The following DNAJC10 variants were observed in gnomAD, a reference collection of about 807,000 sequenced individuals.
DNAJC10 encodes endoplasmic reticulum disulfide reductase DNAJC10.
In DNAJC10, 101 loss-of-function variants were observed where a neutral mutation model predicts 115.0. The observed-to-expected ratio is 0.88, with a 90% CI of 0.75 to 1.04. The LOEUF (loss-of-function observed/expected upper bound fraction) is 1.04. Among genes scored for constraint, DNAJC10 ranks in the 50% least tolerant of loss-of-function variants. The pLI is 0.00. For synonymous variants in DNAJC10, 307 were observed against 301.5 expected (o/e 1.02, Z -0.19); for missense variants, 981 against 928.8 (o/e 1.06, Z -0.73).
At chr2:182,734,403 G>A (rs1441186658) in intron 10 of DNAJC10, among the ~76,000 whole-genome samples, 4 of 151,310 alleles carry the variant, frequency 2.6e-5, no homozygotes, top group African/African-American at 9.7e-5. Flanking sequence ...AAGTAATTTT[G>A]TTATTTTTGG....
At chr2:182,719,250 C>CTTTTTTTTTTT (rs57284693) in intron 3 of DNAJC10, among the ~76,000 whole-genome samples, 7 of 83,686 alleles carry the variant, frequency 8.4e-5, no homozygotes, top group African/African-American at 2.8e-4. Context: ...GGATTGTTTT[C>CTTTTTTTTTTT]TTTTTTTTTT....
At position 182,775,305 on chromosome 2, in the gene DNAJC10, T is replaced by C; in HGVS notation, c.2266-11T>C. The C allele has an allele frequency of 6.5e-7, 1 of 1,544,352 alleles. No individual in the cohort carries two copies. The highest frequency in any genetic ancestry group is 8.9e-7 in the Non-Finnish European group (1 of 1,120,444). On this transcript the variant is annotated splice_polypyrimidine_tract_variant and intron_variant, in intron 22 of 23. Coordinates refer to ENST00000264065, the MANE Select transcript of DNAJC10 (RefSeq NM_018981.4). Reference sequence around the variant, plus strand: ...AAATACTTAAAAGATAACAAGTGTTTTTAATTTTAGAGAAATTTTCAAGAA... The same window carrying C: ...AAATACTTAAAAGATAACAAGTGTTCTTAATTTTAGAGAAATTTTCAAGAA...
chr2:182,743,757 C>A, intron 14 of DNAJC10, 45 bp downstream of exon 14: 2 of 1,329,882 alleles, frequency 1.5e-6, no homozygotes, highest in South Asian at 1.2e-5. Flanking sequence ...GCTTCATTTT[C>A]AAATAGAAGT....
At chr2:182,732,324 T>TGTG (rs1693469740) in intron 9 of DNAJC10, among the ~76,000 whole-genome samples, 175 bp from the exon 10 acceptor site, 1 of 109,318 alleles carries the variant, frequency 9.1e-6, no homozygotes, top group Non-Finnish European at 1.6e-5. Flanking sequence ...GTGTGTGTTT[T>TGTG]TGTGTGTGTG....
rs1156851609 is a variant in DNAJC10 at position 182,758,868 on chromosome 2, T to G, written c.1975T>G (p.Ser659Ala). The change falls in exon 20 of 24, where the codon TCC becomes GCC. Residue 659 changes from serine to alanine, a missense_variant. Physicochemically the swap from Ser to Ala is moderately conservative, Grantham distance 99 (BLOSUM62 1). Transcript: ENST00000264065. ...CAATGGTTGGAATAGGGATGCTTAT[T>G]CCCTGAGAATCTGGGGTCTAGGGTG... ...SYNGWNRDAYSLRIWGLGFLP... is the reference protein window; with the variant it reads ...SYNGWNRDAYALRIWGLGFLP... 4.4e-6 allele frequency: 7 copies of G among 1,608,306 alleles called. No individual in the cohort carries two copies. Among genetic ancestry groups the G allele is most frequent in the Non-Finnish European group, 6.0e-6 (7 of 1,175,040 alleles).
At chr2:182,773,731 A>G (rs1448085020) in intron 22 of DNAJC10, among the ~76,000 whole-genome samples, 1 of 152,164 alleles carries the variant, frequency 6.6e-6, no homozygotes, top group Non-Finnish European at 1.5e-5. Flanking sequence ...CCATTCGTCT[A>G]ATCTTTTTTC....
At chr2:182,772,508 G>T (rs1694593279) in intron 22 of DNAJC10, among the ~76,000 whole-genome samples, 1 of 152,128 alleles carries the variant, frequency 6.6e-6, no homozygotes, top group African/African-American at 2.4e-5. Flanking sequence ...CCTGTATTGG[G>T]TCCATATATA....
intron 22 of DNAJC10, among the ~76,000 whole-genome samples, chr2:182,768,783 T>C (rs966897660): frequency 6.6e-6 from 1 of 152,146 alleles, no homozygotes; most frequent in African/African-American, 2.4e-5. Flanking sequence ...CTAATGATTG[T>C]ATTAGAGTGG....
At chr2:182,734,635 C>CT (rs1693540755) in intron 10 of DNAJC10, among the ~76,000 whole-genome samples, 1 of 151,772 alleles carries the variant, frequency 6.6e-6, no homozygotes, top group Non-Finnish European at 1.5e-5. Context: ...TATTGTCTGC[C>CT]TATTCTATCA....
intron 23 of DNAJC10, among the ~76,000 whole-genome samples, chr2:182,775,843 A>T (rs1694691946): frequency 1.3e-5 from 2 of 152,218 alleles, no homozygotes; most frequent in African/African-American, 4.8e-5. Context: ...TTAGTGAATG[A>T]AGCCAGTCAC....
At chr2:182,725,122 G>C (rs76807005) in intron 5 of DNAJC10, among the ~76,000 whole-genome samples, 324 of 152,236 alleles carry the variant, frequency 2.1e-3, no homozygotes, top group Non-Finnish European at 3.6e-3. Flanking sequence ...TCTACAGTCA[G>C]TGATCTTTGA....
rs1694756914 is a variant in DNAJC10 at position 182,778,119 on chromosome 2, T to G, written c.*987T>G. ...TTGCCTTCTGAACTTTGTTTTGACC[T>G]GTATCCTTTATTTACATTGGGTTTT... On this transcript the variant is annotated 3_prime_UTR_variant, in exon 24 of 24. Transcript: ENST00000264065. 6.6e-6 allele frequency: 1 copy of G among 152,214 alleles called. No homozygotes were observed. The highest frequency in any genetic ancestry group is 2.4e-5 in the African/African-American group (1 of 41,454). 9.4% of individuals were successfully genotyped at this position (152,214 alleles called of 1,614,324 possible).
intron 21 of DNAJC10, 91 bp from the exon 22 acceptor site, chr2:182,762,591 A>T: frequency 7.6e-7 from 1 of 1,308,590 alleles, no homozygotes; most frequent in Non-Finnish European, 1.1e-6. Flanking sequence ...ATAAATTCTT[A>T]GATTCAAAAT....
At chr2:182,770,661 TC>T (rs1194005858) in intron 22 of DNAJC10, among the ~76,000 whole-genome samples, 2 of 152,204 alleles carry the variant, frequency 1.3e-5, no homozygotes, top group East Asian at 1.9e-4. Context: ...TGATTTTGTA[TC>T]CTGAGACTTT....
rs750194062 is a variant in DNAJC10 at position 182,718,069 on chromosome 2, A to T, written c.-18A>T. The stretch of plus-strand genomic sequence containing the variant: ...AATCTTAATGTTCACTTAAATCAGA[A>T]CTTGCATAAGAAAGAGAATGGGAGT... On this transcript the variant is annotated 5_prime_UTR_variant, in exon 3 of 24. Coordinates refer to ENST00000264065, the MANE Select transcript of DNAJC10 (RefSeq NM_018981.4). 3.8e-6 allele frequency: 6 copies of T among 1,566,044 alleles called. No individual in the cohort carries two copies. Among genetic ancestry groups the T allele is most frequent in the Non-Finnish European group, 5.2e-6 (6 of 1,152,202 alleles).
chr2:182,781,390 T>G lies in DNAJC10; in HGVS notation c.*4258T>G, dbSNP rs1390306882. The G allele has an allele frequency of 1.3e-5, 2 of 152,226 alleles. No homozygotes were observed. Among genetic ancestry groups the G allele is most frequent in the Non-Finnish European group, 2.9e-5 (2 of 68,036 alleles). The allele number at this position is 152,226 out of a possible 1,614,324, so 9.4% of individuals were successfully genotyped here. A position where few individuals can be genotyped will look rare whatever the true frequency, so the allele number is the denominator to read the frequency against. On this transcript the variant is annotated 3_prime_UTR_variant, in exon 24 of 24. Coordinates refer to ENST00000264065, the MANE Select transcript of DNAJC10 (RefSeq NM_018981.4). ...GATGGGCATTTTGGTTGGTTCCAAG[T>G]GTTTCCTATTGTGAATAGTGCTCCA...
intron 21 of DNAJC10, among the ~76,000 whole-genome samples, chr2:182,762,104 A>G (rs1160772183): frequency 2.6e-5 from 4 of 151,760 alleles, no homozygotes; most frequent in Admixed American, 2.0e-4. Context: ...GACGACTAAA[A>G]TGTTGCCAAA....
In DNAJC10 at chr2:182,756,480, A is replaced by C. The variant is rs770552999; in HGVS notation, c.1809+11A>C. 6.3e-7 allele frequency: 1 copy of C among 1,598,802 alleles called. No individual in the cohort carries two copies. Among genetic ancestry groups the C allele is most frequent in the South Asian group, 1.1e-5 (1 of 87,954 alleles). ...AAAAGAATGGCCCGGGTATAGTAAA[A>C]ATAGTTTATTTTAAATCTTAACATT... On this transcript the variant is annotated intron_variant, in intron 18 of 23. Transcript: ENST00000264065.
At chr2:182,756,929 G>A (rs995582386) in intron 18 of DNAJC10, among the ~76,000 whole-genome samples, 7 of 152,068 alleles carry the variant, frequency 4.6e-5, no homozygotes, top group Non-Finnish European at 8.8e-5. Flanking sequence ...ATGAGCCTCC[G>A]TGCCCAGTAT....
Sources: gnomAD v4.1 joint callset for allele counts (sites outside exome capture counted in the v4.1 genomes callset) on GRCh38, gnomAD v4.1.1 for gene constraint, MANE v1.5 for transcripts, NCBI Gene and HGNC (gene_info 2026-07-23, HGNC 2026-07-21) for gene names.